GALNT13: variants seen among roughly 807,000 people sequenced by gnomAD.
GALNT13 encodes the protein UDP-GalNAc:polypeptide N-acetylgalactosaminyltransferase 13.
In GALNT13, 28 loss-of-function variants were observed where a neutral mutation model predicts 64.2. That is an observed-to-expected ratio of 0.44 (90% confidence interval 0.32 to 0.60). The LOEUF (loss-of-function observed/expected upper bound fraction) is 0.60. GALNT13 is among the 20% of genes least tolerant of loss of function. The pLI is 0.05. For synonymous variants in GALNT13, 214 were observed against 224.6 expected, an observed-to-expected ratio of 0.95 and a Z score of 0.42; for missense variants, 577 against 669.8, an observed-to-expected ratio of 0.86 and a Z score of 1.53.
intron 3 of GALNT13, among the ~76,000 whole-genome samples, chr2:154,139,349 A>T (rs1433483815): frequency 3.3e-5 from 5 of 151,402 alleles, no homozygotes; most frequent in African/African-American, 9.7e-5. Context: ...TATAGTCCTT[A>T]TTTTTTTTCA....
chr2:154,054,056 T>C (rs1699779028), intron 3 of GALNT13, among the ~76,000 whole-genome samples: 1 of 152,148 alleles, frequency 6.6e-6, no homozygotes. Flanking sequence ...TCACAATATT[T>C]TCTTTTTTGC....
At position 154,396,021 on chromosome 2, in the gene GALNT13, C is replaced by T; in HGVS notation, c.1187C>T (p.Ser396Leu). ...GTCAAAGTGGATTATGGAGATGTGTCAGTCAGAAAAACACTAAGAGAAAAT... is the reference window on the plus strand; with the variant it reads ...GTCAAAGTGGATTATGGAGATGTGTTAGTCAGAAAAACACTAAGAGAAAAT... ...GVVKVDYGDV[S>L]VRKTLRENLK... The change falls in exon 10 of 13, where the codon TCA becomes TTA. Residue 396 changes from serine (S) to leucine (L), a missense_variant. By Grantham distance (145) the Ser-to-Leu change is moderately radical (BLOSUM62 -2). Transcript: ENST00000392825. 1 of 1,609,256 alleles carries T rather than the reference C, an allele frequency of 6.2e-7. No homozygotes were observed. Among genetic ancestry groups the T allele is most frequent in the Non-Finnish European group, 8.5e-7 (1 of 1,177,920 alleles).
At chr2:153,302,857 G>T in the GALNT13 span, among the ~76,000 whole-genome samples, 1 of 152,050 alleles carries the variant, frequency 6.6e-6, no homozygotes, top group Non-Finnish European at 1.5e-5. Context: ...AACTGTAAAT[G>T]CATGAGTTTA....
intron 9 of GALNT13, among the ~76,000 whole-genome samples, chr2:154,339,243 ATATC>A (rs1442797987): frequency 1.3e-5 from 2 of 152,082 alleles, no homozygotes; most frequent in Non-Finnish European, 2.9e-5. Context: ...TGCAGTTGGT[ATATC>A]TATCATTATC....
At chr2:154,353,132 C>T (rs897140250) in intron 9 of GALNT13, among the ~76,000 whole-genome samples, 1 of 152,202 alleles carries the variant, frequency 6.6e-6, no homozygotes, top group African/African-American at 2.4e-5. Flanking sequence ...GATTTGACCT[C>T]TTTGAGCCTC....
intron 9 of GALNT13, among the ~76,000 whole-genome samples, chr2:154,345,569 C>T (rs1015235817): frequency 3.3e-5 from 5 of 151,904 alleles, no homozygotes; most frequent in Admixed American, 6.6e-5. Context: ...TGTAATTATT[C>T]GGACAGCACA....
At chr2:154,387,154 G>A (rs1698552578) in intron 9 of GALNT13, among the ~76,000 whole-genome samples, 1 of 152,098 alleles carries the variant, frequency 6.6e-6, no homozygotes, top group Non-Finnish European at 1.5e-5. Context: ...GAACTTATGA[G>A]CCTGGGTAAT....
the GALNT13 span, among the ~76,000 whole-genome samples, chr2:153,480,652 C>T: frequency 5.9e-5 from 9 of 152,124 alleles, no homozygotes; most frequent in African/African-American, 1.4e-4. Context: ...AATAATAAAA[C>T]GTAATGTATA....
chr2:153,612,149 G>A, the GALNT13 span, among the ~76,000 whole-genome samples: 21 of 151,900 alleles, frequency 1.4e-4, no homozygotes, highest in African/African-American at 2.9e-4. Flanking sequence ...CTATTGTTTC[G>A]CGCCAGTTAG....
the GALNT13 span, among the ~76,000 whole-genome samples, chr2:153,162,772 G>C: frequency 6.6e-6 from 1 of 152,194 alleles, no homozygotes; most frequent in Non-Finnish European, 1.5e-5. Context: ...GTAGTGAGAT[G>C]AATATAAGTT....
At chr2:153,643,020 C>A in the GALNT13 span, among the ~76,000 whole-genome samples, 1 of 151,360 alleles carries the variant, frequency 6.6e-6, no homozygotes, top group African/African-American at 2.4e-5. Context: ...TTAAATGCCA[C>A]TTAATATAAT....
At chr2:153,830,754 G>A in the GALNT13 span, among the ~76,000 whole-genome samples, 2 of 152,008 alleles carry the variant, frequency 1.3e-5, no homozygotes, top group African/African-American at 2.4e-5. Flanking sequence ...CTTGTTCCTA[G>A]GTATCATTAT....
At chr2:154,146,264 T>C (rs1683596223) in intron 4 of GALNT13, among the ~76,000 whole-genome samples, 1 of 151,886 alleles carries the variant, frequency 6.6e-6, no homozygotes, top group Admixed American at 6.6e-5. Flanking sequence ...CACTGTAAGT[T>C]TCCTTTCAAA....
intron 2 of GALNT13, among the ~76,000 whole-genome samples, chr2:153,935,370 G>A (rs948440372): frequency 1.1e-4 from 17 of 152,172 alleles, no homozygotes; most frequent in African/African-American, 4.1e-4. Context: ...AGCCCAAAGG[G>A]ACATAAATCT....
chr2:153,246,856 T>C, the GALNT13 span, among the ~76,000 whole-genome samples: 6 of 152,278 alleles, frequency 3.9e-5, no homozygotes, highest in East Asian at 1.9e-4. Context: ...TGCTGTTAAA[T>C]TGGATAAAGT....
At chr2:153,768,850 A>G in the GALNT13 span, among the ~76,000 whole-genome samples, 2 of 152,358 alleles carry the variant, frequency 1.3e-5, no homozygotes, top group Middle Eastern at 3.4e-3. Context: ...TTTGTGACAG[A>G]GCAAGACTCC....
chr2:153,158,304 C>T, the GALNT13 span, among the ~76,000 whole-genome samples: 1 of 152,058 alleles, frequency 6.6e-6, no homozygotes, highest in African/African-American at 2.4e-5. Flanking sequence ...ACACAAAAAT[C>T]TCTAAGGCTA....
chr2:153,556,141 A>G, the GALNT13 span, among the ~76,000 whole-genome samples: 1 of 152,140 alleles, frequency 6.6e-6, no homozygotes, highest in African/African-American at 2.4e-5. Context: ...TGATGCTTGA[A>G]ATTACATAAT....
At chr2:153,974,854 G>A (rs1463802967) in intron 3 of GALNT13, among the ~76,000 whole-genome samples, 1 of 152,040 alleles carries the variant, frequency 6.6e-6, no homozygotes, top group African/African-American at 2.4e-5. Flanking sequence ...GGAAAAGAAA[G>A]TTGGTTTTGA....
Sources: allele counts gnomAD v4.1 joint callset (sites outside exome capture counted in the v4.1 genomes callset), GRCh38; gene constraint gnomAD v4.1.1; transcripts MANE v1.5; gene names NCBI Gene and HGNC (gene_info 2026-07-23, HGNC 2026-07-21).